CABYR: variants seen among roughly 807,000 people sequenced by gnomAD.
The protein encoded by CABYR is calcium-binding tyrosine phosphorylation-regulated protein.
Under a neutral mutation model 36.1 loss-of-function variants are expected in CABYR, and 31 were observed. The ratio of observed to expected loss-of-function variants is 0.86; its 90% CI spans 0.64 to 1.16. CABYR has a LOEUF of 1.16. Ranked by LOEUF, CABYR falls within the 50% of genes most tolerant of loss-of-function variation. CABYR has a pLI of 0.00. For missense variants in CABYR, 429 were observed against 455.8 expected (o/e 0.94, Z 0.53); for synonymous variants, 146 against 160.7 (o/e 0.91, Z 0.69).
intron 1 of CABYR, 69 bp downstream of exon 1, chr18:24,139,187 G>C (rs2085236083): frequency 1.3e-5 from 2 of 151,926 alleles, no homozygotes; most frequent in Non-Finnish European, 2.9e-5. Context: ...GGAGTCTCTC[G>C]CAGTGGGAGA....
intron 4 of CABYR, among the ~76,000 whole-genome samples, chr18:24,157,763 T>G (rs1375163879): frequency 6.6e-6 from 1 of 152,194 alleles, no homozygotes; most frequent in Non-Finnish European, 1.5e-5. Flanking sequence ...GACATAGACA[T>G]GATGTGACCT....
Position 24,159,757 on chromosome 18 carries a change from T to C in CABYR, c.827T>C (p.Leu276Pro). ...NVQEAQGWKP[L>P]PGHAVVSQSD... is the part of the protein sequence containing the mutation. The stretch of plus-strand genomic sequence containing the variant: ...CAGGAAGCACAGGGATGGAAACCTC[T>C]TCCTGGACATGCTGTCGTTTCACAG... The change falls in exon 5 of 6, where the codon CTT (leucine) becomes CCT (proline). Residue 276 changes from leucine (L) to proline (P), a missense_variant. Leu to Pro is a moderately conservative substitution (Grantham distance 98). Transcript: ENST00000399496. 6.2e-7 allele frequency: 1 copy of C among 1,614,096 alleles called. No individual in the cohort carries two copies.
chr18:24,142,153 C>A (rs975955031), intron 1 of CABYR, among the ~76,000 whole-genome samples: 1 of 152,084 alleles, frequency 6.6e-6, no homozygotes, highest in African/African-American at 2.4e-5. Flanking sequence ...AACCCTGTCT[C>A]TACTAAAAAT....
intron 1 of CABYR, among the ~76,000 whole-genome samples, chr18:24,140,813 CACTT>C (rs375332978): frequency 1.2e-3 from 190 of 152,178 alleles, no homozygotes; most frequent in African/African-American, 4.5e-3. Context: ...TTCTGTGCCT[CACTT>C]ACTTCATTTA....
At chr18:24,147,689 AAG>A (rs2085494358) in intron 3 of CABYR, among the ~76,000 whole-genome samples, 1 of 152,136 alleles carries the variant, frequency 6.6e-6, no homozygotes, top group African/African-American at 2.4e-5. Flanking sequence ...TGTAAATCTT[AAG>A]ATAATGAATT....
At chr18:24,140,525 T>A (rs1265671692) in intron 1 of CABYR, among the ~76,000 whole-genome samples, 1 of 152,058 alleles carries the variant, frequency 6.6e-6, no homozygotes, top group East Asian at 1.9e-4. Context: ...ATGGGGCATC[T>A]ATCCCCTCAA....
intron 3 of CABYR, among the ~76,000 whole-genome samples, chr18:24,145,476 A>G (rs1295459835): frequency 3.9e-5 from 6 of 152,174 alleles, no homozygotes; most frequent in Admixed American, 3.9e-4. Context: ...AGTGAAATCT[A>G]GGGAGAGGTG....
chr18:24,159,345 T>C, intron 4 of CABYR, 127 bp from the exon 5 acceptor site: 2 of 686,932 alleles, frequency 2.9e-6, no homozygotes, highest in Non-Finnish European at 2.5e-6. Context: ...GCCCTCTCTA[T>C]AGCATGCTCT....
chr18:24,154,618 T>C (rs2085726106), intron 3 of CABYR, among the ~76,000 whole-genome samples: 1 of 152,246 alleles, frequency 6.6e-6, no homozygotes, highest in South Asian at 2.1e-4. Flanking sequence ...AAGTTTTGAC[T>C]TGAGCCAAAT....
At chr18:24,160,120 T>G in intron 5 of CABYR, 51 bp downstream of exon 5, 2 of 1,245,144 alleles carry the variant, frequency 1.6e-6, no homozygotes, top group African/African-American at 1.5e-5. Flanking sequence ...ACGCGCGTTT[T>G]AAGCATTTTG....
intron 5 of CABYR, among the ~76,000 whole-genome samples, chr18:24,161,098 G>A (rs941132156): frequency 1.3e-5 from 2 of 152,154 alleles, no homozygotes; most frequent in Non-Finnish European, 2.9e-5. Flanking sequence ...GTAAGGGGGA[G>A]GTCAACAGAG....
At chr18:24,158,770 T>A (rs1458938456) in intron 4 of CABYR, among the ~76,000 whole-genome samples, 1 of 152,166 alleles carries the variant, frequency 6.6e-6, no homozygotes, top group Non-Finnish European at 1.5e-5. Flanking sequence ...GACTTGGTTC[T>A]CCCAAGACAG....
At chr18:24,142,217 G>A (rs2085340558) in intron 1 of CABYR, among the ~76,000 whole-genome samples, 1 of 152,054 alleles carries the variant, frequency 6.6e-6, no homozygotes, top group Non-Finnish European at 1.5e-5. Context: ...CTACTCGGGA[G>A]GCTGAGGCAG....
intron 4 of CABYR, chr18:24,156,556 C>A: frequency 4.3e-6 from 7 of 1,614,162 alleles, no homozygotes; most frequent in Non-Finnish European, 4.2e-6. Flanking sequence ...GAAAAGACCA[C>A]CTCTGGCATG....
chr18:24,150,483 G>GC (rs2085592571), intron 3 of CABYR: 28 of 459,792 alleles, frequency 6.1e-5, no homozygotes, highest in Non-Finnish European at 7.7e-5. Context: ...TCAATCATCT[G>GC]CCTGTATCCT....
Position 24,159,564 on chromosome 18 carries a change from T to A in CABYR, c.634T>A (p.Ser212Thr), listed in dbSNP as rs773794491. 4.2e-5 allele frequency: 67 copies of A among 1,613,926 alleles called. No individual in the cohort carries two copies. The highest frequency in any genetic ancestry group is 5.0e-5 in the Non-Finnish European group (59 of 1,180,002). Residue 212 changes from serine (S) to threonine (T), a missense_variant, in exon 5 of 6, where the codon TCA becomes ACA. Transcript: ENST00000399496. ...TGATAAGAATCAACAAGGTCACCCA[T>A]CACCGCCACCTGCACCTGGGCCTTT... Reference protein sequence around the residue: ...LTDKNQQGHPSPPPAPGPFPQ... With the variant: ...LTDKNQQGHPTPPPAPGPFPQ...
rs761818680 is a variant in CABYR, at chr18:24,159,820, T to C, written c.890T>C (p.Ile297Thr). 4.3e-6 allele frequency: 7 copies of C among 1,614,048 alleles called. No homozygotes were observed. Among genetic ancestry groups the C allele is most frequent in the Admixed American group, 3.3e-5 (2 of 59,996 alleles). The change falls in exon 5 of 6, where the codon ATT becomes ACT. Residue 297 changes from isoleucine to threonine, a missense_variant. Physicochemically the swap from Ile to Thr is moderately conservative, Grantham distance 89 (BLOSUM62 -1). Transcript: ENST00000399496. ...AGATATGTTGCAATGCAAGTGCCCATTGCTGTTCCTGCAGATGAGAAATAC... is the reference window on the plus strand; with the variant it reads ...AGATATGTTGCAATGCAAGTGCCCACTGCTGTTCCTGCAGATGAGAAATAC... ...VLRYVAMQVPIAVPADEKYQK... is the reference protein window; with the variant it reads ...VLRYVAMQVPTAVPADEKYQK...
At chr18:24,155,515 G>A (rs2085756561) in intron 3 of CABYR, among the ~76,000 whole-genome samples, 186 bp from the exon 4 acceptor site, 1 of 151,846 alleles carries the variant, frequency 6.6e-6, no homozygotes, top group Non-Finnish European at 1.5e-5. Flanking sequence ...GTAGAGATGG[G>A]GTCTCACTGT....
intron 3 of CABYR, among the ~76,000 whole-genome samples, chr18:24,145,795 G>T (rs1430560886): frequency 1.3e-5 from 2 of 152,110 alleles, no homozygotes; most frequent in African/African-American, 4.8e-5. Flanking sequence ...ACCTCAGAAA[G>T]GTCATAAACT....
Sources: allele counts gnomAD v4.1 joint callset (sites outside exome capture counted in the v4.1 genomes callset), GRCh38; gene constraint gnomAD v4.1.1; transcripts MANE v1.5; gene names NCBI Gene and HGNC (gene_info 2026-07-23, HGNC 2026-07-21).